Variants in HERC2 observed in about 807,000 individuals in gnomAD.
HERC2 encodes E3 ubiquitin-protein ligase HERC2.
HERC2 carries 102 observed loss-of-function variants against 537.7 expected under a neutral mutation model. That is an observed-to-expected ratio of 0.19 (90% CI 0.16 to 0.22). The LOEUF is 0.22. Ranked by LOEUF, HERC2 falls within the 10% of genes least tolerant of loss-of-function variation. The pLI is 1.00. For missense variants in HERC2, 4,236 were observed against 6,198.2 expected (o/e 0.68, Z 10.63); for synonymous variants, 2,224 against 2,466.2 (o/e 0.90, Z 2.91).
chr15:28,200,482 G>C (rs1204261088), intron 48 of HERC2, among the ~76,000 whole-genome samples: 1 of 152,082 alleles, frequency 6.6e-6, no homozygotes, highest in Non-Finnish European at 1.5e-5. Flanking sequence ...CCTTGATCTT[G>C]GATTTCCAGC....
At position 28,176,753 on chromosome 15, in the gene HERC2, C is replaced by T. The variant is rs767893691; in HGVS notation, c.9448G>A (p.Gly3150Ser). The T allele has an allele frequency of 1.4e-5, 23 of 1,613,850 alleles. No individual in the cohort carries two copies. Among genetic ancestry groups the T allele is most frequent in the Middle Eastern group, 1.6e-4 (1 of 6,062 alleles). Residue 3150 changes from glycine to serine, a missense_variant, in exon 62 of 93, where the codon GGT becomes AGT. By Grantham distance (56) the Gly-to-Ser change is moderately conservative. Transcript: ENST00000261609. The surrounding 1 kb of genome is among the most constrained non-coding windows in gnomAD (Gnocchi z 5.0). ...CATGCAACCTGGATTACTCTGTGAC[C>T]GAGAAGGACTTTCACCTACTCAATT... ...LKPKMVKVLLGHRVIQVACGS... is the reference protein window; with the variant it reads ...LKPKMVKVLLSHRVIQVACGS...
chr15:28,310,091 G>A (rs2076898992), intron 2 of HERC2, among the ~76,000 whole-genome samples: 1 of 152,166 alleles, frequency 6.6e-6, no homozygotes, highest in African/African-American at 2.4e-5. Context: ...AATCACTTGT[G>A]CCCAGGAGTT....
chr15:28,320,783 A>G lies in HERC2; in HGVS notation c.72+579T>C, dbSNP rs535636850. 8.6e-5 allele frequency among the ~76,000 whole-genome samples: 13 copies of G among 151,896 alleles called. No homozygotes were observed. In the East Asian group the frequency reaches 1.5e-3, roughly 18 times the overall value. ...TTTAATAATGTCCTGACAAGCTTGC[A>G]GTTATCTCATTAAATCAAAAAATTA... is the stretch of plus-strand genomic sequence containing the variant. On this transcript the variant is annotated intron_variant, in intron 2 of 92. Coordinates refer to ENST00000261609, the MANE Select transcript of HERC2 (RefSeq NM_004667.6).
Position 28,176,340 on chromosome 15 carries a change from C to T in HERC2, c.9686+88G>A. The T allele has an allele frequency of 8.1e-7, 1 of 1,233,112 alleles. No homozygotes were observed. The highest frequency in any genetic ancestry group is 1.2e-6 in the Non-Finnish European group (1 of 860,680). 76.4% of individuals were successfully genotyped at this position (1,233,112 alleles called of 1,614,324 possible). A position where few individuals can be genotyped will look rare whatever the true frequency, so the allele number is the denominator to read the frequency against. ...AAGTAAAAAGAGGACACGTCACAATCACGCCGGGTGAGCCTGGGGCGAGGC... is the reference window on the plus strand; with the variant it reads ...AAGTAAAAAGAGGACACGTCACAATTACGCCGGGTGAGCCTGGGGCGAGGC... On this transcript the variant is annotated intron_variant, in intron 63 of 92. Coordinates refer to ENST00000261609, the MANE Select transcript of HERC2 (RefSeq NM_004667.6). This position sits in a 1 kb window ranked among gnomAD's most constrained non-coding sequence, Gnocchi z 5.0.
At chr15:28,272,801 G>A (rs2075772924) in intron 8 of HERC2, 93 bp downstream of exon 8, 1 of 806,152 alleles carries the variant, frequency 1.2e-6, no homozygotes, top group Non-Finnish European at 2.0e-6. Context: ...ATCTGCTGCG[G>A]TCACAAACGA....
intron 70 of HERC2, among the ~76,000 whole-genome samples, chr15:28,150,187 C>A (rs759247079): frequency 5.3e-5 from 8 of 151,832 alleles, no homozygotes; most frequent in Non-Finnish European, 8.8e-5. Flanking sequence ...AAAAAACGCA[C>A]GCGGCTGCTA....
intron 16 of HERC2, among the ~76,000 whole-genome samples, chr15:28,257,754 T>G (rs1170396237): frequency 6.6e-6 from 1 of 152,034 alleles, no homozygotes; most frequent in Admixed American, 6.5e-5. Context: ...ACTTTTTTTT[T>G]TTTTTGAGAC....
In HERC2 at chr15:28,214,801, A is replaced by C. The variant is rs1260615609; in HGVS notation, c.6212T>G (p.Ile2071Ser). The C allele has an allele frequency of 6.2e-7, 1 of 1,607,558 alleles. No individual in the cohort carries two copies. The highest frequency in any genetic ancestry group is 8.5e-7 in the Non-Finnish European group (1 of 1,177,484). Residue 2071 changes from isoleucine (I) to serine (S), a missense_variant and splice_region_variant, in exon 40 of 93, where the codon ATC becomes AGC. This residue lies in a region of HERC2 where 365 missense variants were observed against 468.8 expected (regional missense o/e 0.78). Transcript: ENST00000261609. The stretch of plus-strand genomic sequence containing the variant: ...TGCTTGCAACAAATGCACAGCTAAG[A>C]TCTGATAAAAGAAAATTTATAACGA... ...PFTATSLQRQ[I>S]LAVHLLQAVL...
chr15:28,239,542 T>C (rs572719446), intron 23 of HERC2, among the ~76,000 whole-genome samples: 11 of 146,460 alleles, frequency 7.5e-5, no homozygotes, highest in Non-Finnish European at 1.2e-4. Flanking sequence ...GGGGATTTTA[T>C]AGAGGATACG....
chr15:28,310,738 G>A (rs569571455), intron 2 of HERC2, among the ~76,000 whole-genome samples: 2,835 of 152,118 alleles, frequency 0.019, 39 homozygotes, highest in Non-Finnish European at 0.034. Context: ...CATTTGACCC[G>A]TGTCTTAAAG....
intron 85 of HERC2, among the ~76,000 whole-genome samples, chr15:28,121,998 C>T (rs1230918593): frequency 1.3e-5 from 2 of 149,350 alleles, no homozygotes; most frequent in African/African-American, 4.9e-5. Flanking sequence ...CCAGGGAGCA[C>T]CGCGGAGCCA....
At chr15:28,130,420 C>T in intron 82 of HERC2, 83 bp downstream of exon 82, 6 of 1,581,200 alleles carry the variant, frequency 3.8e-6, no homozygotes, top group Non-Finnish European at 5.2e-6. Flanking sequence ...GCAGAAGCTA[C>T]ATTCCCATCC....
chr15:28,251,476 A>T (rs1276295680), intron 20 of HERC2, among the ~76,000 whole-genome samples: 1 of 91,166 alleles, frequency 1.1e-5, no homozygotes, highest in Non-Finnish European at 1.8e-5. Context: ...CACATTAAGT[A>T]AAAAAAAAAA....
chr15:28,307,741 A>G (rs1220426722), intron 2 of HERC2, among the ~76,000 whole-genome samples: 1 of 152,216 alleles, frequency 6.6e-6, no homozygotes, highest in Non-Finnish European at 1.5e-5. Context: ...ATATGGCAAA[A>G]GAGGAATCTA....
At chr15:28,115,775 G>A (rs1566907238) in intron 88 of HERC2, among the ~76,000 whole-genome samples, 1 of 152,180 alleles carries the variant, frequency 6.6e-6, no homozygotes, top group Non-Finnish European at 1.5e-5. Context: ...ACGCACACTA[G>A]TTTAAGCCAC....
At chr15:28,190,927 G>A (rs777095519) in intron 55 of HERC2, 38 bp downstream of exon 55, 2 of 1,393,464 alleles carry the variant, frequency 1.4e-6, no homozygotes, top group South Asian at 2.3e-5. Flanking sequence ...CTTGTCATCT[G>A]TAAATCATCC....
chr15:28,228,282 G>C lies in HERC2; in HGVS notation c.5400C>G (p.Asn1800Lys). Residue 1800 changes from asparagine (N) to lysine (K), a missense_variant, in exon 35 of 93, where the codon AAC becomes AAG. Physicochemically the swap from Asn to Lys is moderately conservative, Grantham distance 94. Transcript: ENST00000261609. ...CGGAATTGAGCAGAAGGTCGAGGTT[G>C]TTTGCGCCGTGCTGCAGGGTGAGCA... ...LSMLTLQHGA[N>K]NLDLLLNSGM... 6 of 1,613,276 alleles carry C rather than the reference G, an allele frequency of 3.7e-6. No individual in the cohort carries two copies. The highest frequency in any genetic ancestry group is 5.1e-6 in the Non-Finnish European group (6 of 1,179,870).
chr15:28,208,444 G>A (rs1056572608), intron 44 of HERC2, among the ~76,000 whole-genome samples: 8 of 151,620 alleles, frequency 5.3e-5, no homozygotes, highest in Admixed American at 3.3e-4. Context: ...ATCACCTGAC[G>A]CAGGAGCAAT....
rs750158226 is a variant in HERC2, at chr15:28,254,458, C to A, written c.2932G>T (p.Ala978Ser). ...GTCCTGCTTCTATGAAATGTTGAGG[C>A]ATTCGCTTCCTGTTCATCAATTTCT... ...EKEIDEQEANASTFHRSRTPL... is the reference protein window; with the variant it reads ...EKEIDEQEANSSTFHRSRTPL... The change falls in exon 20 of 93, where the codon GCC becomes TCC. Residue 978 changes from alanine to serine, a missense_variant. Coordinates refer to ENST00000261609, the MANE Select transcript of HERC2 (RefSeq NM_004667.6). 6.2e-7 allele frequency: 1 copy of A among 1,605,636 alleles called. No homozygotes were observed. Among genetic ancestry groups the A allele is most frequent in the Middle Eastern group, 1.7e-4 (1 of 6,036 alleles).
Sources: allele counts gnomAD v4.1 joint callset (sites outside exome capture counted in the v4.1 genomes callset), GRCh38; gene constraint gnomAD v4.1.1; regional missense constraint gnomAD v4.1.1; non-coding constraint Gnocchi (gnomAD v3.1); transcripts MANE v1.5; gene names NCBI Gene and HGNC (gene_info 2026-07-23, HGNC 2026-07-21).